The following PADI4 variants were observed in gnomAD, a reference collection of about 807,000 sequenced individuals.
PADI4 encodes protein-arginine deiminase type-4.
A neutral mutation model predicts 75.0 loss-of-function variants in PADI4; 62 were observed. That is an observed-to-expected ratio of 0.83 (90% CI 0.67 to 1.02). The LOEUF (loss-of-function observed/expected upper bound fraction) is 1.02, where lower values mean the gene tolerates loss of function less well. Ranked by LOEUF, PADI4 falls within the 50% of genes least tolerant of loss-of-function variation. The pLI is 0.00. For missense variants in PADI4, 845 were observed against 850.5 expected, an observed-to-expected ratio of 0.99 and a Z score of 0.08; for synonymous variants, 361 against 348.1, an observed-to-expected ratio of 1.04 and a Z score of -0.41.
At chr1:17,330,626 G>A (rs576079728) in intron 1 of PADI4, among the ~76,000 whole-genome samples, 2 of 152,254 alleles carry the variant, frequency 1.3e-5, no homozygotes, top group African/African-American at 4.8e-5. Context: ...CAGGAGGAGC[G>A]GAAGGAAGCA....
At chr1:17,334,182 G>A in intron 3 of PADI4, 173 bp downstream of exon 3, 1 of 603,640 alleles carries the variant, frequency 1.7e-6, no homozygotes, top group Non-Finnish European at 3.0e-6. Flanking sequence ...TCCATCCTTA[G>A]TCAGTGAACC....
rs2073704617 is a variant in PADI4 at position 17,308,212 on chromosome 1, C to A, written c.-11C>A. On this transcript the variant is annotated 5_prime_UTR_variant, in exon 1 of 16. Transcript: ENST00000375448. The stretch of plus-strand genomic sequence containing the variant: ...GGCTTCCTACAGCCAGAGGGACGAG[C>A]TAGCCCGACGATGGCCCAGGGGACA... The A allele has an allele frequency of 6.2e-7, 1 of 1,612,984 alleles. No homozygotes were observed. Among genetic ancestry groups the A allele is most frequent in the East Asian group, 2.2e-5 (1 of 44,866 alleles).
intron 10 of PADI4, among the ~76,000 whole-genome samples, chr1:17,349,042 G>A (rs1041313854): frequency 4.6e-5 from 7 of 152,316 alleles, no homozygotes; most frequent in African/African-American, 1.4e-4. Flanking sequence ...AACTTGTCCC[G>A]AGTCTCGCTT....
At chr1:17,345,868 C>G (rs1011105452) in intron 8 of PADI4, among the ~76,000 whole-genome samples, 160 bp from the exon 9 acceptor site, 1 of 152,156 alleles carries the variant, frequency 6.6e-6, no homozygotes, top group Non-Finnish European at 1.5e-5. Flanking sequence ...TAGATGGATT[C>G]CATGAGCTAA....
intron 2 of PADI4, among the ~76,000 whole-genome samples, chr1:17,333,457 T>C (rs967108659): frequency 3.3e-5 from 5 of 151,990 alleles, no homozygotes; most frequent in African/African-American, 9.7e-5. Flanking sequence ...AGTGGATTGG[T>C]GTTTTCTCAT....
At chr1:17,354,479 C>T in intron 10 of PADI4, 54 bp from the exon 11 acceptor site, 1 of 1,565,630 alleles carries the variant, frequency 6.4e-7, no homozygotes. Flanking sequence ...CCCCCCGACC[C>T]TTCACCAGGG....
At position 17,346,164 on chromosome 1, in the gene PADI4, G is replaced by A; in HGVS notation, c.1047+25G>A. Reference sequence around the variant, plus strand: ...GGTATGTGCCCTGCGGGGCAGGCAGGGTGACTGTCCCTGAGGGCCAAGAGA... The same window carrying A: ...GGTATGTGCCCTGCGGGGCAGGCAGAGTGACTGTCCCTGAGGGCCAAGAGA... On this transcript the variant is annotated intron_variant, in intron 9 of 15. Transcript: ENST00000375448. This position sits in a 1 kb window ranked among gnomAD's most constrained non-coding sequence, Gnocchi z 4.3. 1 of 1,488,160 alleles carries A rather than the reference G, an allele frequency of 6.7e-7. No homozygotes were observed. The highest frequency in any genetic ancestry group is 9.4e-7 in the Non-Finnish European group (1 of 1,066,166). The allele number at this position is 1,488,160 out of a possible 1,614,324, so 92.2% of individuals were successfully genotyped here. A position where few individuals can be genotyped will look rare whatever the true frequency, so the allele number is the denominator to read the frequency against.
Position 17,322,857 on chromosome 1 carries a change from C to A in PADI4, c.93-8112C>A, listed in dbSNP as rs77441470. Among the ~76,000 whole-genome samples the A allele has an allele frequency of 2.9e-3, 436 of 152,106 alleles. 3 individuals carry two copies. The highest frequency in any genetic ancestry group is 9.9e-3 in the African/African-American group (410 of 41,470). On this transcript the variant is annotated intron_variant, in intron 1 of 15. Coordinates refer to ENST00000375448, the MANE Select transcript of PADI4 (RefSeq NM_012387.3). The stretch of plus-strand genomic sequence containing the variant: ...TCTCTTTCTCCCCTTCTCCCCCTCC[C>A]ACTTCTTCTTTCTTCTGGTATACTG...
At chr1:17,360,393 C>G (rs1239217396) in intron 15 of PADI4, among the ~76,000 whole-genome samples, 1 of 152,058 alleles carries the variant, frequency 6.6e-6, no homozygotes, top group African/African-American at 2.4e-5. Flanking sequence ...AGTATGCCTG[C>G]TTATGTCCCT....
intron 10 of PADI4, 115 bp from the exon 11 acceptor site, chr1:17,354,418 G>A (rs555703046): frequency 3.3e-5 from 28 of 857,170 alleles, no homozygotes; most frequent in Non-Finnish European, 4.8e-5. Context: ...TGTGCCAGCT[G>A]TAGACGGTAC....
rs1172268184 is a variant in PADI4 at position 17,334,024 on chromosome 1, G to A, written c.340+15G>A. On this transcript the variant is annotated intron_variant, in intron 3 of 15. Transcript: ENST00000375448. ...CACCGGGGTGGGTAAGTGACAACCA[G>A]GATCCTAGAGTGCCGTCTCATCCCC... 1 of 1,561,150 alleles carries A rather than the reference G, an allele frequency of 6.4e-7. No homozygotes were observed. Among genetic ancestry groups the A allele is most frequent in the South Asian group, 1.1e-5 (1 of 90,068 alleles).
At chr1:17,312,272 C>T (rs1457074765) in intron 1 of PADI4, among the ~76,000 whole-genome samples, 5 of 151,940 alleles carry the variant, frequency 3.3e-5, no homozygotes, top group African/African-American at 1.2e-4. Context: ...CCAGCCTGGA[C>T]AACATGGTGA....
chr1:17,341,911 G>A (rs1394830355), intron 6 of PADI4, 32 bp from the exon 7 acceptor site: 5 of 1,573,402 alleles, frequency 3.2e-6, no homozygotes, highest in Middle Eastern at 1.7e-4. Context: ...AAGTGGGGAC[G>A]CAGACCTGAG....
intron 1 of PADI4, among the ~76,000 whole-genome samples, chr1:17,309,176 A>T (rs148295078): frequency 6.9e-6 from 1 of 145,648 alleles, no homozygotes; most frequent in Non-Finnish European, 1.5e-5. Flanking sequence ...TCCCTGGAAA[A>T]AAAAAAAAAA....
Position 17,350,158 on chromosome 1 carries a change from C to G in PADI4, c.1155+2110C>G, listed in dbSNP as rs2074594522. On this transcript the variant is annotated intron_variant, in intron 10 of 15. Transcript: ENST00000375448. ...GGACTCGTTCATCTACTTTTCGTTG[C>G]CTGCGCTGCTGGGCCTGAGGCTGTT... Among the ~76,000 whole-genome samples the G allele has an allele frequency of 2.3e-5, 3 of 128,640 alleles. 1 individual carries two copies. Among genetic ancestry groups the G allele is most frequent in the African/African-American group, 7.5e-5 (3 of 39,752 alleles). 84.4% of individuals were successfully genotyped at this position (128,640 alleles called of 152,430 possible).
intron 7 of PADI4, 40 bp from the exon 8 acceptor site, chr1:17,342,259 C>G: frequency 7.0e-7 from 1 of 1,424,660 alleles, no homozygotes; most frequent in Non-Finnish European, 9.9e-7. Context: ...GCCCTGGCAG[C>G]GGTGACAGCC....
intron 1 of PADI4, among the ~76,000 whole-genome samples, chr1:17,320,552 C>A (rs2074016045): frequency 6.6e-6 from 1 of 152,176 alleles, no homozygotes. Flanking sequence ...GGTTCCTCCA[C>A]TTTTTAGACC....
chr1:17,334,958 A>G (rs944577846), intron 3 of PADI4, among the ~76,000 whole-genome samples: 1 of 152,058 alleles, frequency 6.6e-6, no homozygotes. Context: ...CCTGGGCAAC[A>G]TAGTGAGATC....
In PADI4 at chr1:17,341,984, A is replaced by T; in HGVS notation, c.694A>T (p.Lys232Ter). ...SSKCSVVLGP[K>*]WPSHYLMVPG... ...CAAGTGCAGCGTAGTCTTGGGTCCCAAGTGGCCCTCTCACTACCTGATGGT... is the reference window on the plus strand; with the variant it reads ...CAAGTGCAGCGTAGTCTTGGGTCCCTAGTGGCCCTCTCACTACCTGATGGT... The change falls in exon 7 of 16, where the codon AAG becomes TAG. Residue 232 changes from lysine to a stop codon, truncating the protein, a stop_gained. Coordinates refer to ENST00000375448, the MANE Select transcript of PADI4 (RefSeq NM_012387.3). LOFTEE classifies it high-confidence loss of function. 6.2e-7 allele frequency: 1 copy of T among 1,614,056 alleles called. No individual in the cohort carries two copies. Among genetic ancestry groups the T allele is most frequent in the East Asian group, 2.2e-5 (1 of 44,866 alleles).
Sources: allele counts gnomAD v4.1 joint callset (sites outside exome capture counted in the v4.1 genomes callset), GRCh38; gene constraint gnomAD v4.1.1; non-coding constraint Gnocchi (gnomAD v3.1); transcripts MANE v1.5; gene names NCBI Gene and HGNC (gene_info 2026-07-23, HGNC 2026-07-21).